CCSER2: variants seen among roughly 807,000 people sequenced by gnomAD.
The protein encoded by CCSER2 is coiled-coil serine rich protein 2.
CCSER2 carries 46 observed loss-of-function variants against 92.3 expected under a neutral mutation model. The ratio of observed to expected loss-of-function variants is 0.50; its 90% CI spans 0.39 to 0.64. CCSER2 has a LOEUF of 0.64. Among genes scored for constraint, CCSER2 ranks in the 30% least tolerant of loss-of-function variants. The pLI is 0.00. For missense variants in CCSER2, 1,244 were observed against 1,238.9 expected, an observed-to-expected ratio of 1.00 and a Z score of -0.06; for synonymous variants, 433 against 431.4, an observed-to-expected ratio of 1.00 and a Z score of -0.04.
At chr10:84,353,316 A>G (rs1184722663) in intron 1 of CCSER2, among the ~76,000 whole-genome samples, 1 of 152,132 alleles carries the variant, frequency 6.6e-6, no homozygotes, top group African/African-American at 2.4e-5. Flanking sequence ...CTCTTGAGAT[A>G]GCAGCCCGAG....
intron 1 of CCSER2, among the ~76,000 whole-genome samples, chr10:84,335,691 A>G (rs1564574145): frequency 6.6e-6 from 1 of 152,232 alleles, no homozygotes. Flanking sequence ...GAAGCAAGAC[A>G]GATACCAGAA....
chr10:84,409,660 A>G (rs1282937727), intron 3 of CCSER2, among the ~76,000 whole-genome samples: 1 of 152,172 alleles, frequency 6.6e-6, no homozygotes, highest in Admixed American at 6.5e-5. Context: ...AAGAAGCATA[A>G]GGAACATTTT....
chr10:84,381,121 T>C (rs2133212482), intron 3 of CCSER2, among the ~76,000 whole-genome samples: 1 of 152,300 alleles, frequency 6.6e-6, no homozygotes, highest in East Asian at 1.9e-4. Flanking sequence ...CTGGTTGTTG[T>C]GTATTTTGAG....
intron 6 of CCSER2, among the ~76,000 whole-genome samples, chr10:84,443,204 A>G (rs943075242): frequency 6.6e-6 from 1 of 152,224 alleles, no homozygotes; most frequent in Non-Finnish European, 1.5e-5. Context: ...ATCAGAGTGA[A>G]GAGGCAACCT....
At chr10:84,446,565 C>G (rs373487013) in intron 6 of CCSER2, among the ~76,000 whole-genome samples, 2 of 152,090 alleles carry the variant, frequency 1.3e-5, no homozygotes, top group East Asian at 1.9e-4. Context: ...TTTCCCTATC[C>G]CCATATTTCT....
At chr10:84,507,326 A>G in intron 9 of CCSER2, 1 of 985,246 alleles carries the variant, frequency 1.0e-6, no homozygotes, top group Non-Finnish European at 1.2e-6. Flanking sequence ...CTTCTCTGAC[A>G]AAGCGTGGTA....
intron 9 of CCSER2, 141 bp from the exon 10 acceptor site, chr10:84,513,308 T>A: frequency 1.5e-6 from 1 of 668,978 alleles, no homozygotes; most frequent in South Asian, 2.2e-5. Context: ...ATATTGCAGT[T>A]CATTTTTTAA....
Position 84,481,779 on chromosome 10 carries a change from G to A in CCSER2, c.2325+4115G>A, listed in dbSNP as rs531136087. On this transcript the variant is annotated intron_variant, in intron 9 of 9. Coordinates refer to ENST00000372088, the MANE Select transcript of CCSER2 (RefSeq NM_001284240.2). Reference sequence around the variant, plus strand: ...ATCTTCTGCTTGGGAAAGCAATAATGTAGTGTTATAAACTCCCCTGAGCCT... The same window carrying A: ...ATCTTCTGCTTGGGAAAGCAATAATATAGTGTTATAAACTCCCCTGAGCCT... Among the ~76,000 whole-genome samples, 60 of 152,070 alleles carry A rather than the reference G, an allele frequency of 3.9e-4. No homozygotes were observed. The South Asian group carries it at 8.3e-3, about 21-fold the overall frequency.
intron 3 of CCSER2, among the ~76,000 whole-genome samples, chr10:84,378,199 T>C (rs924693672): frequency 2.0e-5 from 3 of 152,104 alleles, no homozygotes; most frequent in Non-Finnish European, 4.4e-5. Flanking sequence ...TTTTGTTTGC[T>C]GAATTTTTGT....
chr10:84,377,536 A>C (rs977986039), intron 3 of CCSER2, among the ~76,000 whole-genome samples: 2 of 152,168 alleles, frequency 1.3e-5, no homozygotes, highest in African/African-American at 2.4e-5. Flanking sequence ...TCATTATCGT[A>C]GCTTTAAAAT....
At chr10:84,465,267 GT>G (rs1846333302) in intron 7 of CCSER2, among the ~76,000 whole-genome samples, 1 of 140,304 alleles carries the variant, frequency 7.1e-6, no homozygotes, top group Non-Finnish European at 1.5e-5. Flanking sequence ...GTGTGTGTGT[GT>G]GTGTGTGTGT....
At chr10:84,355,929 C>T (rs1056360997) in intron 1 of CCSER2, among the ~76,000 whole-genome samples, 1 of 151,956 alleles carries the variant, frequency 6.6e-6, no homozygotes. Context: ...ATGGTGAAAC[C>T]CTGTCTCTAC....
At chr10:84,438,466 T>C in intron 5 of CCSER2, 46 bp from the exon 6 acceptor site, 1 of 861,492 alleles carries the variant, frequency 1.2e-6, no homozygotes, top group South Asian at 1.9e-5. Context: ...CTTTCTGAAA[T>C]TGTATTGTAT....
intron 3 of CCSER2, among the ~76,000 whole-genome samples, chr10:84,393,280 G>A (rs563699538): frequency 1.3e-5 from 2 of 152,226 alleles, no homozygotes; most frequent in South Asian, 2.1e-4. Flanking sequence ...TCAGTGTGAT[G>A]TGCTTTCTGC....
chr10:84,506,822 A>AATAAATAAATAAATAC (rs1849076964), intron 9 of CCSER2, among the ~76,000 whole-genome samples: 1 of 151,800 alleles, frequency 6.6e-6, no homozygotes, highest in Admixed American at 6.6e-5. Flanking sequence ...TAAATAAATA[A>AATAAATAAATAAATAC]ATAAATCTAA....
At chr10:84,492,351 A>T (rs115396427) in intron 9 of CCSER2, among the ~76,000 whole-genome samples, 242 of 151,628 alleles carry the variant, frequency 1.6e-3, no homozygotes, top group African/African-American at 5.6e-3. Flanking sequence ...TAGTAAACTC[A>T]CTTATAAGTT....
rs1171149776 is a variant in CCSER2 at position 84,492,795 on chromosome 10, G to A, written c.2325+15131G>A. ...AATAGTAAACTAATCTCATAGGCCT[G>A]AAATAAACCCCCTTTAGTCATGGTA... On this transcript the variant is annotated intron_variant, in intron 9 of 9. Transcript: ENST00000372088. Among the ~76,000 whole-genome samples the A allele has an allele frequency of 2.0e-5, 3 of 152,276 alleles. No individual in the cohort carries two copies. The South Asian group carries it at 6.2e-4, about 32-fold the overall frequency.
chr10:84,356,634 T>C (rs1480638221), intron 1 of CCSER2, among the ~76,000 whole-genome samples: 1 of 152,214 alleles, frequency 6.6e-6, no homozygotes, highest in East Asian at 1.9e-4. Context: ...TAAATTAGAA[T>C]ACATTATTAA....
intron 3 of CCSER2, among the ~76,000 whole-genome samples, chr10:84,408,114 C>G (rs1251489575): frequency 2.0e-5 from 3 of 151,702 alleles, no homozygotes; most frequent in Non-Finnish European, 4.4e-5. Flanking sequence ...TTATAAAAGC[C>G]CTATGTCCTT....
Sources: gnomAD v4.1 joint callset for allele counts (sites outside exome capture counted in the v4.1 genomes callset) on GRCh38, gnomAD v4.1.1 for gene constraint, MANE v1.5 for transcripts, NCBI Gene and HGNC (gene_info 2026-07-23, HGNC 2026-07-21) for gene names.